WDR49: variants seen among roughly 807,000 people sequenced by gnomAD.
The protein encoded by WDR49 is cilia- and flagella-associated protein 337.
In WDR49, 107 loss-of-function variants were observed where a neutral mutation model predicts 119.5. The ratio of observed to expected loss-of-function variants is 0.90; its 90% CI spans 0.77 to 1.05. The LOEUF (loss-of-function observed/expected upper bound fraction) is 1.05, where lower values mean the gene tolerates loss of function less well. Among genes scored for constraint, WDR49 ranks in the 50% least tolerant of loss-of-function variants. WDR49 has a pLI of 0.00. For synonymous variants in WDR49, 425 were observed against 418.8 expected, an observed-to-expected ratio of 1.01 and a Z score of -0.18; for missense variants, 1,240 against 1,220.5, an observed-to-expected ratio of 1.02 and a Z score of -0.24.
chr3:167,586,566 C>T (rs1714825654), intron 7 of WDR49, among the ~76,000 whole-genome samples: 1 of 152,134 alleles, frequency 6.6e-6, no homozygotes, highest in African/African-American at 2.4e-5. Flanking sequence ...CAATCAAAAG[C>T]TCTTGAAAAC....
chr3:167,542,575 A>G (rs896078040), intron 10 of WDR49, among the ~76,000 whole-genome samples: 1 of 152,138 alleles, frequency 6.6e-6, no homozygotes. Context: ...AACTTTAAAA[A>G]TTCTTTGAAC....
At chr3:167,528,760 T>C (rs941938124) in intron 14 of WDR49, among the ~76,000 whole-genome samples, 3 of 151,910 alleles carry the variant, frequency 2.0e-5, no homozygotes, top group African/African-American at 7.2e-5. Context: ...AAATAAGGTG[T>C]ATCCTAATTA....
Position 167,523,420 on chromosome 3 carries a change from T to A in WDR49, c.2605-936A>T, listed in dbSNP as rs373480320. ...TCCACCTTAAGTTCTGGGATACATG[T>A]GCTGAACATTCAGGCTTGTTACATA... On this transcript the variant is annotated intron_variant, in intron 15 of 18. Coordinates refer to ENST00000682715, the MANE Select transcript of WDR49 (RefSeq NM_001366157.1). 2.7e-4 allele frequency among the ~76,000 whole-genome samples: 41 copies of A among 151,932 alleles called. No individual in the cohort carries two copies. In the South Asian group the frequency reaches 8.6e-3, roughly 32 times the overall value.
intron 7 of WDR49, among the ~76,000 whole-genome samples, chr3:167,594,904 A>G (rs1715330863): frequency 6.7e-6 from 1 of 150,184 alleles, no homozygotes; most frequent in African/African-American, 2.5e-5. Context: ...AGGGTATTCA[A>G]TTAGGAAAAG....
chr3:167,648,456 G>A (rs1577300741), intron 2 of WDR49, among the ~76,000 whole-genome samples: 1 of 152,276 alleles, frequency 6.6e-6, no homozygotes, highest in East Asian at 1.9e-4. Flanking sequence ...TGTAAGAGTT[G>A]AACACTAAAT....
At chr3:167,516,117 T>C (rs1185559555) in intron 16 of WDR49, among the ~76,000 whole-genome samples, 4 of 152,180 alleles carry the variant, frequency 2.6e-5, no homozygotes, top group South Asian at 4.1e-4. Context: ...ATTTTTTTTA[T>C]TATACTTTAA....
At chr3:167,523,153 A>G (rs765247669) in intron 15 of WDR49, among the ~76,000 whole-genome samples, 1 of 152,172 alleles carries the variant, frequency 6.6e-6, no homozygotes, top group African/African-American at 2.4e-5. Flanking sequence ...CTGGTGCGCA[A>G]ATTGATCAGA....
In WDR49 at chr3:167,634,862, C is replaced by A. The variant is rs540734895; in HGVS notation, c.166-7570G>T. Among the ~76,000 whole-genome samples the A allele has an allele frequency of 4.6e-5, 7 of 151,788 alleles. No homozygotes were observed. In the East Asian group the frequency reaches 1.4e-3, roughly 29 times the overall value. ...TTAAAATCATTTATAATGCCATCAG[C>A]CTTTCAGATTTATTTCTAGGCAGAA... On this transcript the variant is annotated intron_variant, in intron 2 of 18. Transcript: ENST00000682715.
intron 8 of WDR49, chr3:167,575,148 G>T: frequency 1.0e-6 from 1 of 985,364 alleles, no homozygotes; most frequent in East Asian, 1.1e-4. Flanking sequence ...GGCTCCTGCT[G>T]TGCTGTTACC....
At chr3:167,615,260 T>C (rs1716539115) in intron 5 of WDR49, among the ~76,000 whole-genome samples, 1 of 152,104 alleles carries the variant, frequency 6.6e-6, no homozygotes. Flanking sequence ...CTTAGCCTCC[T>C]GGGTAGCTAG....
chr3:167,554,609 C>T (rs1231485365), intron 10 of WDR49, 41 bp downstream of exon 10: 5 of 1,310,532 alleles, frequency 3.8e-6, no homozygotes, highest in Admixed American at 4.6e-5. Context: ...GTTCTTTTTT[C>T]TTTTAGATTT....
chr3:167,517,738 TTTA>T (rs1752276007), intron 16 of WDR49, among the ~76,000 whole-genome samples: 2 of 133,996 alleles, frequency 1.5e-5, no homozygotes, highest in Admixed American at 1.4e-4. Flanking sequence ...CTTTTCTTTT[TTTA>T]TTATTATTAT....
chr3:167,495,306 T>A (rs372871529), intron 18 of WDR49, among the ~76,000 whole-genome samples: 7 of 145,866 alleles, frequency 4.8e-5, no homozygotes, highest in African/African-American at 1.9e-4. Flanking sequence ...AGAACTAGAA[T>A]CTGTATAAAA....
At chr3:167,585,993 T>C (rs1048377382) in intron 7 of WDR49, among the ~76,000 whole-genome samples, 4 of 152,128 alleles carry the variant, frequency 2.6e-5, no homozygotes, top group African/African-American at 9.7e-5. Context: ...GATGGATAGA[T>C]GGAAGTCGGG....
intron 2 of WDR49, among the ~76,000 whole-genome samples, chr3:167,651,499 T>C (rs1718377462): frequency 6.6e-6 from 1 of 152,186 alleles, no homozygotes; most frequent in African/African-American, 2.4e-5. Context: ...GGAAATCATG[T>C]TGGCTCAAAG....
intron 7 of WDR49, among the ~76,000 whole-genome samples, chr3:167,578,408 T>A (rs1175650484): frequency 6.6e-6 from 1 of 152,168 alleles, no homozygotes; most frequent in Non-Finnish European, 1.5e-5. Flanking sequence ...TTATGATTTT[T>A]TTCCACAACA....
chr3:167,514,504 G>C (rs1752116358), intron 16 of WDR49, among the ~76,000 whole-genome samples: 1 of 152,024 alleles, frequency 6.6e-6, no homozygotes, highest in African/African-American at 2.4e-5. Context: ...CAAAAAGCTA[G>C]AAAGATCTCA....
Position 167,540,657 on chromosome 3 carries a change from A to G in WDR49, c.1824-3657T>C, listed in dbSNP as rs1405585129. On this transcript the variant is annotated intron_variant, in intron 10 of 18. Coordinates refer to ENST00000682715, the MANE Select transcript of WDR49 (RefSeq NM_001366157.1). ...CAAATCAAGATTCTATAACACCCGC[A>G]AAAGACCACACTGGCTCCCCAGCAA... 2.0e-5 allele frequency among the ~76,000 whole-genome samples: 3 copies of G among 152,138 alleles called. No homozygotes were observed. In the East Asian group the frequency reaches 5.8e-4, roughly 29 times the overall value.
intron 5 of WDR49, among the ~76,000 whole-genome samples, chr3:167,620,104 G>T (rs1234006266): frequency 6.6e-6 from 1 of 152,112 alleles, no homozygotes; most frequent in Non-Finnish European, 1.5e-5. Context: ...AAACAGCCCT[G>T]AATGTAACTA....
Sources: allele counts gnomAD v4.1 joint callset (sites outside exome capture counted in the v4.1 genomes callset), GRCh38; gene constraint gnomAD v4.1.1; transcripts MANE v1.5; gene names NCBI Gene and HGNC (gene_info 2026-07-23, HGNC 2026-07-21).